Variants in RAB8A observed in about 807,000 individuals in gnomAD.
The protein encoded by RAB8A is RAB8A, member RAS oncogene family.
A neutral mutation model predicts 29.2 loss-of-function variants in RAB8A; 5 were observed. The observed-to-expected ratio is 0.17, with a 90% CI of 0.09 to 0.36. The LOEUF (loss-of-function observed/expected upper bound fraction) is 0.36. Ranked by LOEUF, RAB8A falls within the 10% of genes least tolerant of loss-of-function variation. RAB8A has a pLI of 1.00. For missense variants in RAB8A, 171 were observed against 272.2 expected (o/e 0.63, Z 2.62); for synonymous variants, 108 against 99.9 (o/e 1.08, Z -0.49).
Position 16,125,126 on chromosome 19 carries a change from CCGG to C in RAB8A, c.247-342_247-340del, listed in dbSNP as rs975389713. On this transcript the variant is annotated intron_variant, in intron 3 of 7. Transcript: ENST00000300935. This position sits in a 1 kb window ranked among gnomAD's most constrained non-coding sequence, Gnocchi z 5.0. ...GTGCTGCTGGCAGTGGGCCTGTGGA[CCGG>C]CTCCCACCGTCAGGCTGCACCACCC... 2 of 401,080 alleles carry C rather than the reference CCGG, an allele frequency of 5.0e-6. No homozygotes were observed. The highest frequency in any genetic ancestry group is 9.4e-6 in the Non-Finnish European group (2 of 211,760). 24.8% of individuals were successfully genotyped at this position (401,080 alleles called of 1,614,324 possible). A position where few individuals can be genotyped will look rare whatever the true frequency, so the allele number is the denominator to read the frequency against.
Position 16,118,303 on chromosome 19 carries a change from T to G in RAB8A, c.185+17T>G. 6.2e-7 allele frequency: 1 copy of G among 1,604,232 alleles called. No individual in the cohort carries two copies. Among genetic ancestry groups the G allele is most frequent in the Non-Finnish European group, 8.5e-7 (1 of 1,172,906 alleles). ...GCAGATATGGTAAGAGTCATTGTTC[T>G]CTGTCATTCTCTCCACCTGGCAATG... On this transcript the variant is annotated intron_variant, in intron 2 of 7. Coordinates refer to ENST00000300935, the MANE Select transcript of RAB8A (RefSeq NM_005370.5).
intron 2 of RAB8A, among the ~76,000 whole-genome samples, chr19:16,121,256 T>C (rs2090874273): frequency 6.6e-6 from 1 of 152,126 alleles, no homozygotes; most frequent in South Asian, 2.1e-4. Context: ...CTAAGTACCC[T>C]TCAAGCCAGG....
chr19:16,132,688 G>A lies in RAB8A; in HGVS notation c.*384G>A, dbSNP rs1002997582. On this transcript the variant is annotated 3_prime_UTR_variant, in exon 8 of 8. Coordinates refer to ENST00000300935, the MANE Select transcript of RAB8A (RefSeq NM_005370.5). The surrounding 1 kb of genome is among the most constrained non-coding windows in gnomAD (Gnocchi z 5.6). ...AAGCTCCACCAGGAGGCTGGTTCAC[G>A]TCCCCTACCACGGAAGCGAGGTCCC... is the stretch of plus-strand genomic sequence containing the variant. 8 of 190,090 alleles carry A rather than the reference G, an allele frequency of 4.2e-5. No individual in the cohort carries two copies. Among genetic ancestry groups the A allele is most frequent in the Admixed American group, 2.9e-4 (5 of 17,518 alleles). 11.8% of individuals were successfully genotyped at this position (190,090 alleles called of 1,614,324 possible).
At chr19:16,121,895 T>C (rs755127607) in intron 3 of RAB8A, 85 bp downstream of exon 3, 231 of 1,368,054 alleles carry the variant, frequency 1.7e-4, no homozygotes, top group Non-Finnish European at 2.3e-4. Flanking sequence ...GAAGCCTAGA[T>C]GTTTCTGTGG....
Position 16,125,952 on chromosome 19 carries a change from T to C in RAB8A, c.324+405T>C. On this transcript the variant is annotated intron_variant, in intron 4 of 7. Transcript: ENST00000300935. This position sits in a 1 kb window ranked among gnomAD's most constrained non-coding sequence, Gnocchi z 5.0. ...TACTTTGAGCTATATCGGAGCAGGG[T>C]GTGACCTGGTACAAACGACCTGTGT... is the stretch of plus-strand genomic sequence containing the variant. 1 of 338,994 alleles carries C rather than the reference T, an allele frequency of 2.9e-6. No homozygotes were observed. Among genetic ancestry groups the C allele is most frequent in the South Asian group, 2.4e-5 (1 of 41,954 alleles). The allele number at this position is 338,994 out of a possible 1,614,324, so 21.0% of individuals were successfully genotyped here.
chr19:16,117,503 A>T lies in RAB8A; in HGVS notation c.125-723A>T, dbSNP rs1599395053. On this transcript the variant is annotated intron_variant, in intron 1 of 7. Coordinates refer to ENST00000300935, the MANE Select transcript of RAB8A (RefSeq NM_005370.5). ...GACTCCATCTCAAAAAAAAAAAAAG[A>T]AAGTAAGTTTGGAGCAGAGGTTAGC... Among the ~76,000 whole-genome samples the T allele has an allele frequency of 2.7e-5, 4 of 149,472 alleles. No homozygotes were observed. The South Asian group carries it at 8.5e-4, about 32-fold the overall frequency.
chr19:16,123,158 AG>A (rs1305970583), intron 3 of RAB8A, among the ~76,000 whole-genome samples: 59 of 152,370 alleles, frequency 3.9e-4, no homozygotes, highest in African/African-American at 1.4e-3. Context: ...TTCACTCAGC[AG>A]GTAAATGGCT....
chr19:16,114,796 C>A (rs2090839503), intron 1 of RAB8A, among the ~76,000 whole-genome samples: 1 of 151,962 alleles, frequency 6.6e-6, no homozygotes, highest in Non-Finnish European at 1.5e-5. Flanking sequence ...TGGCACCTGA[C>A]CCTAAGATCC....
At chr19:16,116,699 G>T (rs2090847119) in intron 1 of RAB8A, among the ~76,000 whole-genome samples, 1 of 152,136 alleles carries the variant, frequency 6.6e-6, no homozygotes, top group African/African-American at 2.4e-5. Flanking sequence ...GCTGGGCATG[G>T]TGGCGCGTGC....
chr19:16,132,094 TTGGTTGGTTGGA>T lies in RAB8A; in HGVS notation c.532-110_532-99del. Reference sequence around the variant, plus strand: ...TTTGGTTGTTTGGTTGGTTGGTTGGTTGGTTGGTTGGATGGTTGGATGGATGGTTAGGTGGAT... The same window carrying T: ...TTTGGTTGTTTGGTTGGTTGGTTGGTTGGTTGGATGGATGGTTAGGTGGAT... On this transcript the variant is annotated intron_variant, in intron 7 of 7. Coordinates refer to ENST00000300935, the MANE Select transcript of RAB8A (RefSeq NM_005370.5). The surrounding 1 kb of genome is among the most constrained non-coding windows in gnomAD (Gnocchi z 5.6). 6 of 803,110 alleles carry T rather than the reference TTGGTTGGTTGGA, an allele frequency of 7.5e-6. No individual in the cohort carries two copies. The highest frequency in any genetic ancestry group is 2.2e-5 in the Admixed American group (1 of 45,410). The allele number at this position is 803,110 out of a possible 1,614,324, so 49.7% of individuals were successfully genotyped here. A position where few individuals can be genotyped will look rare whatever the true frequency, so the allele number is the denominator to read the frequency against.
chr19:16,114,458 C>A (rs1419801848), intron 1 of RAB8A, among the ~76,000 whole-genome samples: 3 of 145,502 alleles, frequency 2.1e-5, no homozygotes, highest in Non-Finnish European at 4.5e-5. Context: ...CTCACTGCAA[C>A]TTCCACCTCC....
intron 7 of RAB8A, 52 bp downstream of exon 7, chr19:16,129,656 T>G: frequency 6.4e-7 from 1 of 1,573,574 alleles, no homozygotes; most frequent in Non-Finnish European, 8.7e-7. Flanking sequence ...GATCCAGCCA[T>G]CGTCGTTAGC....
chr19:16,116,341 C>A (rs2090845555), intron 1 of RAB8A, among the ~76,000 whole-genome samples: 2 of 152,064 alleles, frequency 1.3e-5, no homozygotes, highest in South Asian at 4.1e-4. Context: ...GCAGCTGTTT[C>A]CACTTTATTC....
Position 16,117,435 on chromosome 19 carries a change from G to A in RAB8A, c.125-791G>A, listed in dbSNP as rs1483789945. On this transcript the variant is annotated intron_variant, in intron 1 of 7. Coordinates refer to ENST00000300935, the MANE Select transcript of RAB8A (RefSeq NM_005370.5). ...ACCTGGGAGACAGAGGCTGCAGTGA[G>A]CCAAGATTGTGCCACTGCACTCCAG... 8.6e-5 allele frequency among the ~76,000 whole-genome samples: 13 copies of A among 151,586 alleles called. 1 individual carries two copies. The South Asian group carries it at 2.7e-3, about 32-fold the overall frequency.
intron 3 of RAB8A, 189 bp downstream of exon 3, chr19:16,121,999 C>G (rs2090877636): frequency 1.9e-6 from 1 of 537,452 alleles, no homozygotes; most frequent in South Asian, 2.8e-5. Flanking sequence ...CATACCTCCC[C>G]TTCTGGCTGC....
chr19:16,129,699 T>C, intron 7 of RAB8A, 95 bp downstream of exon 7: 1 of 1,262,578 alleles, frequency 7.9e-7, no homozygotes, highest in Non-Finnish European at 1.2e-6. Context: ...GATCCTGCTT[T>C]TTAGGGCCCA....
At position 16,127,300 on chromosome 19, in the gene RAB8A, A is replaced by C; in HGVS notation, c.325-137A>C. 1 of 464,988 alleles carries C rather than the reference A, an allele frequency of 2.2e-6. No homozygotes were observed. The highest frequency in any genetic ancestry group is 3.6e-6 in the Non-Finnish European group (1 of 275,080). The allele number at this position is 464,988 out of a possible 1,614,324, so 28.8% of individuals were successfully genotyped here. A position where few individuals can be genotyped will look rare whatever the true frequency, so the allele number is the denominator to read the frequency against. On this transcript the variant is annotated intron_variant, in intron 4 of 7. Transcript: ENST00000300935. This position sits in a 1 kb window ranked among gnomAD's most constrained non-coding sequence, Gnocchi z 4.8. ...CGGCTGCTTGGCCTCTCTGAGCTTC[A>C]GCTTGTCCCTTAGACCAGGCTGTAC... is the stretch of plus-strand genomic sequence containing the variant.
At chr19:16,121,674 G>T in intron 2 of RAB8A, 76 bp from the exon 3 acceptor site, 1 of 1,369,876 alleles carries the variant, frequency 7.3e-7, no homozygotes, top group Non-Finnish European at 1.0e-6. Flanking sequence ...GGCATCCCGG[G>T]TAGATGCTCC....
intron 2 of RAB8A, 81 bp from the exon 3 acceptor site, chr19:16,121,669 C>A: frequency 1.5e-6 from 2 of 1,332,268 alleles, no homozygotes; most frequent in African/African-American, 1.5e-5. Context: ...AGCCAGGCAT[C>A]CCGGGTAGAT....
Sources: allele counts gnomAD v4.1 joint callset (sites outside exome capture counted in the v4.1 genomes callset), GRCh38; gene constraint gnomAD v4.1.1; non-coding constraint Gnocchi (gnomAD v3.1); transcripts MANE v1.5; gene names NCBI Gene and HGNC (gene_info 2026-07-23, HGNC 2026-07-21).